Variants in BMPR1A observed in about 807,000 individuals in gnomAD.
The protein encoded by BMPR1A is bone morphogenetic protein receptor type-1A.
Under a neutral mutation model 66.0 loss-of-function variants are expected in BMPR1A, and 7 were observed. The ratio of observed to expected loss-of-function variants is 0.11; its 90% CI spans 0.06 to 0.20. The LOEUF (loss-of-function observed/expected upper bound fraction) is 0.20, where lower values mean the gene tolerates loss of function less well. Ranked by LOEUF, BMPR1A falls within the 10% of genes least tolerant of loss-of-function variation. The probability of loss-of-function intolerance (pLI) is 1.00; values close to 1 mark genes in which losing one functional copy is unlikely to be tolerated. For missense variants in BMPR1A, 408 were observed against 669.1 expected (o/e 0.61, Z 4.31); for synonymous variants, 200 against 229.7 (o/e 0.87, Z 1.17).
intron 1 of BMPR1A, among the ~76,000 whole-genome samples, chr10:86,762,508 C>T (rs1388269708): frequency 1.3e-5 from 2 of 152,086 alleles, no homozygotes; most frequent in Non-Finnish European, 2.9e-5. Flanking sequence ...AACAGGCGCC[C>T]GCCAATACGC....
intron 2 of BMPR1A, among the ~76,000 whole-genome samples, chr10:86,864,803 C>A (rs1842760185): frequency 6.6e-6 from 1 of 152,130 alleles, no homozygotes; most frequent in African/African-American, 2.4e-5. Context: ...CGTATCCAGG[C>A]CATCACCAGT....
At position 86,875,899 on chromosome 10, in the gene BMPR1A, T is replaced by A; in HGVS notation, c.-120T>A. Reference sequence around the variant, plus strand: ...AAGAAAGCAGTGGGAGTTGAAGTCATTGTCAAGTGCTTGCGATCTTTTACA... The same window carrying A: ...AAGAAAGCAGTGGGAGTTGAAGTCAATGTCAAGTGCTTGCGATCTTTTACA... On this transcript the variant is annotated 5_prime_UTR_variant, in exon 3 of 13. In the 5' UTR this introduces an upstream ATG that the reference lacks. Transcript: ENST00000372037. 1.2e-6 allele frequency: 1 copy of A among 845,402 alleles called. No homozygotes were observed. The highest frequency in any genetic ancestry group is 2.0e-6 in the Non-Finnish European group (1 of 496,134). 52.4% of individuals were successfully genotyped at this position (845,402 alleles called of 1,614,324 possible).
At chr10:86,842,833 C>A (rs575963888) in intron 2 of BMPR1A, among the ~76,000 whole-genome samples, 5 of 152,132 alleles carry the variant, frequency 3.3e-5, no homozygotes, top group Non-Finnish European at 2.9e-5. Flanking sequence ...AAACCTCTTA[C>A]AAAATCATCA....
chr10:86,876,162 TC>T, intron 3 of BMPR1A, 77 bp downstream of exon 3: 1 of 1,388,462 alleles, frequency 7.2e-7, no homozygotes, highest in East Asian at 2.3e-5. Context: ...TTTCAACTCA[TC>T]CCTGTTTGAA....
At chr10:86,889,747 A>T (rs920321328) in intron 3 of BMPR1A, 4 of 277,858 alleles carry the variant, frequency 1.4e-5, no homozygotes, top group Non-Finnish European at 2.8e-5. Flanking sequence ...AAATTAAAAA[A>T]TTTTTAAGTT....
chr10:86,898,441 T>C (rs1843260594), intron 5 of BMPR1A, among the ~76,000 whole-genome samples: 1 of 148,456 alleles, frequency 6.7e-6, no homozygotes, highest in East Asian at 1.9e-4. Flanking sequence ...TAGGTTAGAA[T>C]ATAGGAACTC....
upstream of BMPR1A, chr10:86,756,565 A>T (rs1847865355): frequency 6.7e-6 from 1 of 149,332 alleles, no homozygotes; most frequent in Admixed American, 6.6e-5. Flanking sequence ...AGGCCCGCGG[A>T]CGCCCGCCCC....
chr10:86,764,016 C>G (rs1841122811), intron 1 of BMPR1A, among the ~76,000 whole-genome samples: 1 of 152,150 alleles, frequency 6.6e-6, no homozygotes, highest in Non-Finnish European at 1.5e-5. Flanking sequence ...TGGTCTCAAT[C>G]TCCTGACCTC....
rs1841679270 is a variant in BMPR1A at position 86,794,724 on chromosome 10, A to G, written c.-268+37805A>G. Among the ~76,000 whole-genome samples, 3 of 152,130 alleles carry G rather than the reference A, an allele frequency of 2.0e-5. No individual in the cohort carries two copies. In the South Asian group the frequency reaches 6.2e-4, roughly 32 times the overall value. On this transcript the variant is annotated intron_variant, in intron 1 of 12. Coordinates refer to ENST00000372037, the MANE Select transcript of BMPR1A (RefSeq NM_004329.3). ...CAGATTCACATATTTCCTTTATTAA[A>G]TTATGGTAAATGAAAAGATAATATG...
chr10:86,805,439 T>C (rs1260496531), intron 1 of BMPR1A, among the ~76,000 whole-genome samples: 4 of 149,246 alleles, frequency 2.7e-5, no homozygotes, highest in African/African-American at 9.8e-5. Flanking sequence ...TTATGCCCCT[T>C]TACCCTTACT....
intron 5 of BMPR1A, among the ~76,000 whole-genome samples, chr10:86,897,079 C>G (rs1014672821): frequency 7.2e-5 from 11 of 152,184 alleles, no homozygotes; most frequent in Non-Finnish European, 1.6e-4. Context: ...ATTCTGTTTC[C>G]TCCTATAGGA....
intron 3 of BMPR1A, among the ~76,000 whole-genome samples, chr10:86,889,217 G>T (rs1454409357): frequency 6.6e-6 from 1 of 152,178 alleles, no homozygotes; most frequent in African/African-American, 2.4e-5. Context: ...CTAGACTCTA[G>T]TGTAAGAACA....
chr10:86,853,540 A>G (rs1214043341), intron 2 of BMPR1A, among the ~76,000 whole-genome samples: 1 of 152,220 alleles, frequency 6.6e-6, no homozygotes, highest in African/African-American at 2.4e-5. Flanking sequence ...TCTCTTCATT[A>G]TCCTTCCTTA....
chr10:86,884,579 A>C (rs1843044131), intron 3 of BMPR1A, among the ~76,000 whole-genome samples: 1 of 151,174 alleles, frequency 6.6e-6, no homozygotes, highest in Non-Finnish European at 1.5e-5. Context: ...TGCCCAGCTA[A>C]TTTGTTGTAT....
intron 2 of BMPR1A, among the ~76,000 whole-genome samples, chr10:86,869,413 C>T (rs1268929726): frequency 1.4e-5 from 2 of 147,270 alleles, no homozygotes; most frequent in Non-Finnish European, 3.0e-5. Flanking sequence ...GCAGAGGTTG[C>T]ACCACTGCAG....
intron 2 of BMPR1A, among the ~76,000 whole-genome samples, chr10:86,860,066 C>A (rs886496262): frequency 6.6e-6 from 1 of 152,120 alleles, no homozygotes; most frequent in Non-Finnish European, 1.5e-5. Context: ...TGGGACTGCT[C>A]GGGAGGCCGA....
At chr10:86,858,095 C>T (rs1227945965) in intron 2 of BMPR1A, among the ~76,000 whole-genome samples, 4 of 152,064 alleles carry the variant, frequency 2.6e-5, no homozygotes, top group African/African-American at 9.7e-5. Context: ...CAGTAAAGTT[C>T]TTAATATGAA....
At chr10:86,897,851 C>T (rs1406620363) in intron 5 of BMPR1A, among the ~76,000 whole-genome samples, 1 of 152,124 alleles carries the variant, frequency 6.6e-6, no homozygotes, top group Non-Finnish European at 1.5e-5. Flanking sequence ...AGCCATTCTG[C>T]CACTTCAGCT....
intron 2 of BMPR1A, among the ~76,000 whole-genome samples, chr10:86,865,208 G>T (rs76780951): frequency 7.0e-6 from 1 of 141,914 alleles, no homozygotes; most frequent in South Asian, 2.2e-4. Flanking sequence ...GTAAATGGCC[G>T]GTCCATGCCT....
Sources: gnomAD v4.1 joint callset for allele counts (sites outside exome capture counted in the v4.1 genomes callset) on GRCh38, gnomAD v4.1.1 for gene constraint, MANE v1.5 for transcripts, NCBI Gene and HGNC (gene_info 2026-07-23, HGNC 2026-07-21) for gene names.